Variants in ANKFN1 observed in about 807,000 individuals in gnomAD.
ANKFN1 encodes the protein ankyrin repeat and fibronectin type-III domain-containing protein 1.
In ANKFN1, 74 loss-of-function variants were observed where a neutral mutation model predicts 108.7. That is an observed-to-expected ratio of 0.68 (90% CI 0.56 to 0.83). The LOEUF (loss-of-function observed/expected upper bound fraction) is 0.83. Among genes scored for constraint, ANKFN1 ranks in the 40% least tolerant of loss-of-function variants. ANKFN1 has a pLI of 0.00. For missense variants in ANKFN1, 1,505 were observed against 1,382.3 expected (o/e 1.09, Z -1.41); for synonymous variants, 547 against 516.2 (o/e 1.06, Z -0.81).
At chr17:56,495,650 AG>A (rs1367129847) in intron 19 of ANKFN1, among the ~76,000 whole-genome samples, 1 of 152,202 alleles carries the variant, frequency 6.6e-6, no homozygotes, top group African/African-American at 2.4e-5. Flanking sequence ...CAGCACATGC[AG>A]CAGAAATGTC....
At chr17:56,365,012 T>C (rs970639304) in intron 6 of ANKFN1, among the ~76,000 whole-genome samples, 8 of 152,174 alleles carry the variant, frequency 5.3e-5, no homozygotes, top group Non-Finnish European at 1.0e-4. Flanking sequence ...GTTTCTCTGG[T>C]ATAAGAGTTT....
intron 3 of ANKFN1, among the ~76,000 whole-genome samples, chr17:56,241,831 A>ACTG (rs1208784934): frequency 6.6e-6 from 1 of 152,124 alleles, no homozygotes; most frequent in Admixed American, 6.6e-5. Flanking sequence ...AAACATAAGC[A>ACTG]CTGCAATACC....
chr17:56,474,835 G>A (rs2050444249), intron 15 of ANKFN1, among the ~76,000 whole-genome samples: 1 of 152,098 alleles, frequency 6.6e-6, no homozygotes, highest in South Asian at 2.1e-4. Flanking sequence ...GAAGAGACAG[G>A]ATAGAAGACA....
chr17:56,075,190 G>T (rs1251840970), intron 4 of ANKFN1, among the ~76,000 whole-genome samples: 2 of 152,168 alleles, frequency 1.3e-5, no homozygotes, highest in Admixed American at 6.5e-5. Flanking sequence ...CTGGAATTGT[G>T]CTATTTTAAT....
intron 4 of ANKFN1, among the ~76,000 whole-genome samples, chr17:56,147,304 G>C (rs1372085453): frequency 6.6e-6 from 1 of 152,014 alleles, no homozygotes; most frequent in East Asian, 1.9e-4. Context: ...CACATTTTTG[G>C]GTATCCTTAT....
At position 56,144,184 on chromosome 17, in the gene ANKFN1, A is replaced by AT. The variant is rs1405007617; in HGVS notation, c.289-83733_289-83732insT. On this transcript the variant is annotated intron_variant, in intron 4 of 12. Transcript: ENST00000635860. ...AAAAAAAAAAAAAAAAAAAAAAAAA[A>AT]ACAGCCCAAACCAAATGAATGCAGA... 9.6e-4 allele frequency among the ~76,000 whole-genome samples: 75 copies of AT among 78,264 alleles called. 14 individuals are homozygous for AT. Among genetic ancestry groups the AT allele is most frequent in the South Asian group, 5.3e-3 (13 of 2,430 alleles). 51.3% of individuals were successfully genotyped at this position (78,264 alleles called of 152,430 possible). A position where few individuals can be genotyped will look rare whatever the true frequency, so the allele number is the denominator to read the frequency against.
intron 14 of ANKFN1, among the ~76,000 whole-genome samples, chr17:56,459,184 C>T (rs1296799577): frequency 6.6e-6 from 1 of 152,114 alleles, no homozygotes; most frequent in Admixed American, 6.5e-5. Context: ...GATCTTGGCT[C>T]ACTGCAACCT....
chr17:56,406,504 G>A (rs1307525617), intron 8 of ANKFN1, among the ~76,000 whole-genome samples: 1 of 152,140 alleles, frequency 6.6e-6, no homozygotes, highest in Non-Finnish European at 1.5e-5. Context: ...TATCGAGAAA[G>A]AGAAGAGTCT....
At chr17:56,205,978 T>G (rs907046678) in intron 1 of ANKFN1, among the ~76,000 whole-genome samples, 3 of 152,168 alleles carry the variant, frequency 2.0e-5, no homozygotes, top group African/African-American at 7.2e-5. Flanking sequence ...ATCCACATTT[T>G]CCCTGCCATT....
chr17:56,510,229 T>C (rs180875576), intron 20 of ANKFN1, among the ~76,000 whole-genome samples: 1 of 152,178 alleles, frequency 6.6e-6, no homozygotes, highest in African/African-American at 2.4e-5. Flanking sequence ...CCTGTCAGAG[T>C]TCCTCTCTTT....
intron 8 of ANKFN1, among the ~76,000 whole-genome samples, chr17:56,411,900 T>C (rs183083233): frequency 6.6e-6 from 1 of 152,362 alleles, no homozygotes; most frequent in Admixed American, 6.5e-5. Context: ...TAGTATTTTC[T>C]TGAGGATTTT....
chr17:56,167,025 G>A (rs1375837060), intron 1 of ANKFN1, among the ~76,000 whole-genome samples: 1 of 151,764 alleles, frequency 6.6e-6, no homozygotes, highest in Non-Finnish European at 1.5e-5. Context: ...GCCTAGCTTA[G>A]AAAATCAATA....
intron 8 of ANKFN1, among the ~76,000 whole-genome samples, chr17:56,438,004 G>C (rs2048981600): frequency 6.6e-6 from 1 of 151,358 alleles, no homozygotes; most frequent in South Asian, 2.1e-4. Context: ...GTGTGTGTGT[G>C]TGTATACATA....
intron 19 of ANKFN1, among the ~76,000 whole-genome samples, chr17:56,493,720 T>C (rs924076624): frequency 2.6e-5 from 4 of 152,154 alleles, no homozygotes; most frequent in Non-Finnish European, 5.9e-5. Flanking sequence ...CCCATATAAT[T>C]GGTACAGCCA....
intron 8 of ANKFN1, among the ~76,000 whole-genome samples, chr17:56,393,371 A>G (rs1598517023): frequency 6.6e-6 from 1 of 151,926 alleles, no homozygotes; most frequent in South Asian, 2.1e-4. Context: ...CCCACCTCCC[A>G]CCCATACAGA....
chr17:56,307,042 T>G (rs538785769), intron 3 of ANKFN1, among the ~76,000 whole-genome samples: 3 of 152,194 alleles, frequency 2.0e-5, no homozygotes, highest in Admixed American at 6.5e-5. Context: ...AAGCTGAAAC[T>G]GGATCCCTTC....
chr17:56,070,109 C>G (rs1905101768), intron 4 of ANKFN1, among the ~76,000 whole-genome samples: 1 of 152,130 alleles, frequency 6.6e-6, no homozygotes, highest in Admixed American at 6.5e-5. Context: ...GTATCTTGTG[C>G]CCACCTCCTA....
chr17:56,232,293 C>A (rs1916794231), intron 3 of ANKFN1, among the ~76,000 whole-genome samples: 1 of 152,042 alleles, frequency 6.6e-6, no homozygotes, highest in Non-Finnish European at 1.5e-5. Context: ...GCTGAGATGG[C>A]TGACCAGTAC....
intron 3 of ANKFN1, among the ~76,000 whole-genome samples, chr17:56,294,098 C>T (rs1015850299): frequency 2.0e-5 from 3 of 152,164 alleles, no homozygotes; most frequent in African/African-American, 7.2e-5. Flanking sequence ...CACCGTGAGA[C>T]CTTGTGTACT....
Sources: gnomAD v4.1 joint callset for allele counts (sites outside exome capture counted in the v4.1 genomes callset) on GRCh38, gnomAD v4.1.1 for gene constraint, MANE v1.5 for transcripts, NCBI Gene and HGNC (gene_info 2026-07-23, HGNC 2026-07-21) for gene names.